MYT1L: variants seen among roughly 807,000 people sequenced by gnomAD.
MYT1L encodes myelin transcription factor 1-like protein.
Under a neutral mutation model 126.7 loss-of-function variants are expected in MYT1L, and 12 were observed. That is an observed-to-expected ratio of 0.09 (90% CI 0.06 to 0.15). MYT1L has a LOEUF of 0.15. Among genes scored for constraint, MYT1L ranks in the 10% least tolerant of loss-of-function variants. The pLI is 1.00. For synonymous variants in MYT1L, 541 were observed against 604.2 expected, an observed-to-expected ratio of 0.90 and a Z score of 1.53; for missense variants, 979 against 1,585.2, an observed-to-expected ratio of 0.62 and a Z score of 6.49.
chr2:2,306,358 A>AATGAGAC (rs1449788451), intron 1 of MYT1L, among the ~76,000 whole-genome samples: 1 of 152,162 alleles, frequency 6.6e-6, no homozygotes, highest in African/African-American at 2.4e-5. Flanking sequence ...AAGGAAATAG[A>AATGAGAC]ATGAGACAGA....
chr2:2,177,726 GAACT>G (rs2090974790), intron 2 of MYT1L, among the ~76,000 whole-genome samples: 1 of 152,130 alleles, frequency 6.6e-6, no homozygotes, highest in Non-Finnish European at 1.5e-5. Context: ...GATCTTATGA[GAACT>G]CACTCACTAT....
chr2:2,094,848 C>A (rs1187402686), intron 3 of MYT1L, among the ~76,000 whole-genome samples: 1 of 152,012 alleles, frequency 6.6e-6, no homozygotes, highest in Non-Finnish European at 1.5e-5. Flanking sequence ...GTGTAGCACA[C>A]CAACATGGCA....
At chr2:1,875,178 C>T (rs991549790) in intron 18 of MYT1L, among the ~76,000 whole-genome samples, 3 of 152,070 alleles carry the variant, frequency 2.0e-5, no homozygotes, top group Non-Finnish European at 4.4e-5. Flanking sequence ...GCGGAAGATA[C>T]TGACTGAGCA....
In MYT1L at chr2:1,979,280, G is replaced by T; in HGVS notation, c.90-53C>A. On this transcript the variant is annotated intron_variant, in intron 7 of 24. Transcript: ENST00000647738. The surrounding 1 kb of genome is among the most constrained non-coding windows in gnomAD (Gnocchi z 4.0). ...GTGCCGCAGGCAGGCAGGTGAGACGGAAAGCTTCCGTGGCAGCAGAGAGAA... is the reference window on the plus strand; with the variant it reads ...GTGCCGCAGGCAGGCAGGTGAGACGTAAAGCTTCCGTGGCAGCAGAGAGAA... 1 of 1,520,278 alleles carries T rather than the reference G, an allele frequency of 6.6e-7. No homozygotes were observed. Among genetic ancestry groups the T allele is most frequent in the Middle Eastern group, 1.7e-4 (1 of 5,856 alleles). 94.2% of individuals were successfully genotyped at this position (1,520,278 alleles called of 1,614,324 possible).
At chr2:2,325,067 C>T (rs2096228033) in intron 1 of MYT1L, 1 of 152,534 alleles carries the variant, frequency 6.6e-6, no homozygotes, top group Admixed American at 6.5e-5. Flanking sequence ...CGGAGTCAGG[C>T]TGTTAGCAGC....
intron 1 of MYT1L, among the ~76,000 whole-genome samples, chr2:2,293,190 T>C (rs1305499829): frequency 2.0e-5 from 3 of 152,138 alleles, no homozygotes; most frequent in Non-Finnish European, 2.9e-5. Context: ...CATGGGGCCT[T>C]TACTACGGCA....
At position 2,254,710 on chromosome 2, in the gene MYT1L, A is replaced by AT. The variant is rs374014112; in HGVS notation, c.-421+29693dup. Among the ~76,000 whole-genome samples the AT allele has an allele frequency of 6.6e-5, 10 of 152,096 alleles. No homozygotes were observed. In the East Asian group the frequency reaches 1.3e-3, roughly 21 times the overall value. On this transcript the variant is annotated intron_variant, in intron 2 of 24. Transcript: ENST00000647738. ...TTCCACAGAAAGATGCGAAATGTTC[A>AT]TTTTTTTTCTAATGAAAGTGCTTAT...
intron 5 of MYT1L, among the ~76,000 whole-genome samples, chr2:1,992,079 C>T (rs547791636): frequency 1.3e-5 from 2 of 152,284 alleles, no homozygotes; most frequent in South Asian, 4.1e-4. Flanking sequence ...TAATTCCTAT[C>T]GCACAGTTAG....
intron 3 of MYT1L, among the ~76,000 whole-genome samples, chr2:2,165,332 G>GCACATA: frequency 6.7e-6 from 1 of 150,338 alleles, no homozygotes; most frequent in East Asian, 2.0e-4. Context: ...ACATACACAT[G>GCACATA]CACATACACA....
intron 5 of MYT1L, among the ~76,000 whole-genome samples, chr2:1,993,929 C>G (rs143983598): frequency 4.6e-5 from 7 of 152,186 alleles, no homozygotes; most frequent in African/African-American, 1.7e-4. Flanking sequence ...TGATTCATAT[C>G]CTTTGCCTGT....
At chr2:1,838,682 G>T (rs1332439654) in intron 21 of MYT1L, among the ~76,000 whole-genome samples, 2 of 152,138 alleles carry the variant, frequency 1.3e-5, no homozygotes, top group Admixed American at 1.3e-4. Flanking sequence ...TTTAAATGAA[G>T]CAAACAAAAA....
intron 2 of MYT1L, among the ~76,000 whole-genome samples, chr2:2,185,174 G>A (rs1369842385): frequency 6.6e-6 from 1 of 152,018 alleles, no homozygotes; most frequent in Non-Finnish European, 1.5e-5. Context: ...TTATATACAA[G>A]CCTCCTTATA....
At chr2:2,200,283 A>C (rs1423230217) in intron 2 of MYT1L, among the ~76,000 whole-genome samples, 1 of 152,176 alleles carries the variant, frequency 6.6e-6, no homozygotes, top group East Asian at 1.9e-4. Context: ...AAATTAGCTT[A>C]ATGATTGAAA....
rs139311840 is a variant in MYT1L, at chr2:1,880,274, C to T, written c.2711+6265G>A. Among the ~76,000 whole-genome samples, 6 of 152,316 alleles carry T rather than the reference C, an allele frequency of 3.9e-5. No homozygotes were observed. In the East Asian group the frequency reaches 9.6e-4, roughly 24 times the overall value. ...TATGCTGACGCTGCCAAAGTGTAGG[C>T]TGCAAAGGTAAAAACATTCTTGGCC... On this transcript the variant is annotated intron_variant, in intron 18 of 24. Coordinates refer to ENST00000647738, the MANE Select transcript of MYT1L (RefSeq NM_001303052.2).
chr2:1,944,754 C>A (rs1180789012), intron 8 of MYT1L, among the ~76,000 whole-genome samples: 1 of 152,198 alleles, frequency 6.6e-6, no homozygotes, highest in African/African-American at 2.4e-5. Context: ...AGACAAGTCA[C>A]AAATACCATT....
intron 3 of MYT1L, among the ~76,000 whole-genome samples, chr2:2,166,195 CCT>C (rs956401311): frequency 6.6e-6 from 1 of 152,134 alleles, no homozygotes; most frequent in African/African-American, 2.4e-5. Flanking sequence ...TTCCTTCCCT[CCT>C]CTCTCTCCCA....
At chr2:2,299,297 G>A (rs2095748422) in intron 1 of MYT1L, among the ~76,000 whole-genome samples, 1 of 152,234 alleles carries the variant, frequency 6.6e-6, no homozygotes, top group Non-Finnish European at 1.5e-5. Flanking sequence ...ACAGCAGCCT[G>A]TGCCATGATC....
chr2:1,877,009 G>A (rs2046994195), intron 18 of MYT1L, among the ~76,000 whole-genome samples: 1 of 152,186 alleles, frequency 6.6e-6, no homozygotes, highest in South Asian at 2.1e-4. Context: ...ACAGCTCAGA[G>A]AACACCACAC....
intron 8 of MYT1L, among the ~76,000 whole-genome samples, chr2:1,969,771 C>G (rs1211109238): frequency 6.6e-6 from 1 of 152,174 alleles, no homozygotes; most frequent in African/African-American, 2.4e-5. Context: ...AGCTGTCCAG[C>G]CAGGAGTGGC....
Sources: allele counts gnomAD v4.1 joint callset (sites outside exome capture counted in the v4.1 genomes callset), GRCh38; gene constraint gnomAD v4.1.1; non-coding constraint Gnocchi (gnomAD v3.1); transcripts MANE v1.5; gene names NCBI Gene and HGNC (gene_info 2026-07-23, HGNC 2026-07-21).